Variants in MOB1B observed in about 807,000 individuals in gnomAD.
MOB1B encodes the protein MOB1 Mps One Binder homolog B.
In MOB1B, 19 loss-of-function variants were observed where a neutral mutation model predicts 24.4. The observed-to-expected ratio is 0.78, with a 90% CI of 0.54 to 1.14. The LOEUF (loss-of-function observed/expected upper bound fraction) is 1.14, where lower values mean the gene tolerates loss of function less well. MOB1B is among the 50% of genes most tolerant of loss of function. The pLI, the probability that MOB1B is intolerant of heterozygous loss-of-function variation, is 0.00. For synonymous variants in MOB1B, 76 were observed against 82.1 expected (o/e 0.93, Z 0.40); for missense variants, 243 against 259.6 (o/e 0.94, Z 0.44).
At chr4:70,966,309 C>T (rs950722448) in intron 2 of MOB1B, among the ~76,000 whole-genome samples, 1 of 151,762 alleles carries the variant, frequency 6.6e-6, no homozygotes, top group African/African-American at 2.4e-5. Context: ...CTTTGGGAGG[C>T]CAAGGTGGAA....
chr4:70,909,820 G>A lies in MOB1B; in HGVS notation c.14+7270G>A, dbSNP rs376337716. On this transcript the variant is annotated intron_variant, in intron 1 of 5. Coordinates refer to ENST00000309395, the MANE Select transcript of MOB1B (RefSeq NM_173468.4). ...TGGTTCACTGCAACTTCCACCTCAT[G>A]GGTTCAAGCAGTTCTCCCTGCCTCA... Among the ~76,000 whole-genome samples, 8 of 152,060 alleles carry A rather than the reference G, an allele frequency of 5.3e-5. No homozygotes were observed. The East Asian group carries it at 1.2e-3, about 22-fold the overall frequency.
At chr4:70,910,637 A>G (rs1735943999) in intron 1 of MOB1B, among the ~76,000 whole-genome samples, 1 of 152,080 alleles carries the variant, frequency 6.6e-6, no homozygotes, top group Non-Finnish European at 1.5e-5. Flanking sequence ...TATAATATTT[A>G]AATATTTTTA....
chr4:70,943,602 A>G (rs1023186915), intron 1 of MOB1B, among the ~76,000 whole-genome samples: 1 of 152,244 alleles, frequency 6.6e-6, no homozygotes, highest in African/African-American at 2.4e-5. Context: ...GTAGCTTCTG[A>G]AAAAATACCC....
intron 1 of MOB1B, among the ~76,000 whole-genome samples, chr4:70,924,217 G>T (rs1201424907): frequency 1.3e-5 from 2 of 152,104 alleles, no homozygotes; most frequent in Non-Finnish European, 2.9e-5. Context: ...ACTCCCTGTG[G>T]TTATAGTTTT....
Position 70,983,412 on chromosome 4 carries a change from T to G in MOB1B, c.*1355T>G, listed in dbSNP as rs528289974. ...ACTTCTAAATTTTATTCGCCATGAC[T>G]TTCTAGTGAATTATTACCATAAATA... is the stretch of plus-strand genomic sequence containing the variant. On this transcript the variant is annotated 3_prime_UTR_variant, in exon 6 of 6. Coordinates refer to ENST00000309395, the MANE Select transcript of MOB1B (RefSeq NM_173468.4). The G allele has an allele frequency of 6.6e-6, 1 of 152,632 alleles. No individual in the cohort carries two copies. The highest frequency in any genetic ancestry group is 2.4e-5 in the African/African-American group (1 of 41,592). 9.5% of individuals were successfully genotyped at this position (152,632 alleles called of 1,614,324 possible). A position where few individuals can be genotyped will look rare whatever the true frequency, so the allele number is the denominator to read the frequency against.
Position 70,982,100 on chromosome 4 carries a change from G to C in MOB1B, c.*43G>C. ...CAAATTGTTCCTCAAATGAAGCAGT[G>C]TGGAGTGTATTGGGGATTTTGTTAT... On this transcript the variant is annotated 3_prime_UTR_variant, in exon 6 of 6. Transcript: ENST00000309395. 7.1e-7 allele frequency: 1 copy of C among 1,416,084 alleles called. No individual in the cohort carries two copies. The highest frequency in any genetic ancestry group is 1.0e-6 in the Non-Finnish European group (1 of 1,003,570). 87.7% of individuals were successfully genotyped at this position (1,416,084 alleles called of 1,614,324 possible).
chr4:70,941,855 C>T (rs180990730), intron 1 of MOB1B, among the ~76,000 whole-genome samples: 118 of 152,054 alleles, frequency 7.8e-4, no homozygotes, highest in African/African-American at 2.6e-3. Context: ...AAAACTGGAC[C>T]GAGATACTTC....
chr4:70,960,057 T>G (rs1738242364), intron 2 of MOB1B, among the ~76,000 whole-genome samples: 1 of 152,036 alleles, frequency 6.6e-6, no homozygotes, highest in Non-Finnish European at 1.5e-5. Flanking sequence ...CTAATTTTTG[T>G]ATTTTTAGTA....
intron 1 of MOB1B, among the ~76,000 whole-genome samples, chr4:70,906,190 C>G (rs1161976753): frequency 6.6e-6 from 1 of 151,992 alleles, no homozygotes; most frequent in Non-Finnish European, 1.5e-5. Flanking sequence ...CCAGCCTGAT[C>G]AAGAAATGAA....
chr4:70,926,631 C>G (rs1736665594), intron 1 of MOB1B, among the ~76,000 whole-genome samples: 1 of 152,056 alleles, frequency 6.6e-6, no homozygotes, highest in African/African-American at 2.4e-5. Context: ...ATAAAATGAA[C>G]ATTTATTGAA....
At chr4:70,926,212 T>C (rs1736647398) in intron 1 of MOB1B, among the ~76,000 whole-genome samples, 1 of 151,992 alleles carries the variant, frequency 6.6e-6, no homozygotes, top group African/African-American at 2.4e-5. Flanking sequence ...CTTGAACTCC[T>C]GGGCTCAAGC....
Position 70,973,889 on chromosome 4 carries a change from G to A in MOB1B, c.276-1264G>A, listed in dbSNP as rs1404012453. ...GAAAGCATCCTCATTTATCCTATCCGAAGATAATTTTTATTGTTTAAAATA... is the reference window on the plus strand; with the variant it reads ...GAAAGCATCCTCATTTATCCTATCCAAAGATAATTTTTATTGTTTAAAATA... On this transcript the variant is annotated intron_variant, in intron 3 of 5. Transcript: ENST00000309395. Among the ~76,000 whole-genome samples, 5 of 152,256 alleles carry A rather than the reference G, an allele frequency of 3.3e-5. No homozygotes were observed. The East Asian group carries it at 5.8e-4, about 18-fold the overall frequency.
In MOB1B at chr4:70,925,766, C is replaced by T. The variant is rs182044744; in HGVS notation, c.14+23216C>T. Among the ~76,000 whole-genome samples the T allele has an allele frequency of 1.5e-4, 23 of 152,248 alleles. No individual in the cohort carries two copies. In the East Asian group the frequency reaches 3.9e-3, roughly 26 times the overall value. On this transcript the variant is annotated intron_variant, in intron 1 of 5. Transcript: ENST00000309395. ...TTGAGATAAGGTGAATAAGAAAAAT[C>T]CTTGGATTCAATATAACACCAGTTC...
At chr4:70,942,317 A>AAATATTT (rs774263105) in intron 1 of MOB1B, among the ~76,000 whole-genome samples, 1 of 151,958 alleles carries the variant, frequency 6.6e-6, no homozygotes, top group African/African-American at 2.4e-5. Flanking sequence ...GTGGTCTATT[A>AAATATTT]AATATTTAAT....
chr4:70,947,801 G>A (rs1737647893), intron 1 of MOB1B, among the ~76,000 whole-genome samples: 1 of 152,074 alleles, frequency 6.6e-6, no homozygotes, highest in African/African-American at 2.4e-5. Flanking sequence ...TAGAGATAGG[G>A]TTTCAACATA....
intron 1 of MOB1B, 101 bp downstream of exon 1, chr4:70,902,651 GC>G: frequency 8.8e-7 from 1 of 1,142,262 alleles, no homozygotes; most frequent in Non-Finnish European, 1.1e-6. Flanking sequence ...GACCCTCCTG[GC>G]CCAGCGCTCC....
rs573452316 is a variant in MOB1B at position 70,982,170 on chromosome 4, G to A, written c.*113G>A. 9.5e-5 allele frequency: 66 copies of A among 695,038 alleles called. No homozygotes were observed. In the African/African-American group the frequency reaches 1.2e-3, roughly 12 times the overall value. 43.1% of individuals were successfully genotyped at this position (695,038 alleles called of 1,614,324 possible). A position where few individuals can be genotyped will look rare whatever the true frequency, so the allele number is the denominator to read the frequency against. On this transcript the variant is annotated 3_prime_UTR_variant, in exon 6 of 6. Transcript: ENST00000309395. The stretch of plus-strand genomic sequence containing the variant: ...TGTTTTTGTCCTAGGTTTGGGGGCG[G>A]GGGCTTGTTTGGGTTCCTTTTTCTT...
At chr4:70,912,253 A>G (rs1416587157) in intron 1 of MOB1B, among the ~76,000 whole-genome samples, 1 of 147,204 alleles carries the variant, frequency 6.8e-6, no homozygotes, top group East Asian at 2.0e-4. Context: ...GTGAAGTAAC[A>G]TTCTTTTACA....
At chr4:70,940,942 G>A (rs961387525) in intron 1 of MOB1B, among the ~76,000 whole-genome samples, 1 of 152,106 alleles carries the variant, frequency 6.6e-6, no homozygotes, top group Admixed American at 6.5e-5. Flanking sequence ...CAAAGTGCTG[G>A]GATTACAGGC....
Sources: allele counts gnomAD v4.1 joint callset (sites outside exome capture counted in the v4.1 genomes callset), GRCh38; gene constraint gnomAD v4.1.1; transcripts MANE v1.5; gene names NCBI Gene and HGNC (gene_info 2026-07-23, HGNC 2026-07-21).